The following RD3 variants were observed in gnomAD, a reference collection of about 807,000 sequenced individuals.
RD3 encodes protein RD3.
Under a neutral mutation model 16.9 loss-of-function variants are expected in RD3, and 11 were observed. That is an observed-to-expected ratio of 0.65 (90% confidence interval 0.41 to 1.08). RD3 has a LOEUF of 1.08. Among genes scored for constraint, RD3 ranks in the 50% least tolerant of loss-of-function variants. The pLI is 0.00. For synonymous variants in RD3, 116 were observed against 114.8 expected, an observed-to-expected ratio of 1.01 and a Z score of -0.07; for missense variants, 274 against 267.4, an observed-to-expected ratio of 1.02 and a Z score of -0.17.
Position 211,484,004 on chromosome 1 carries a change from C to T in RD3, c.-11-2578G>A, listed in dbSNP as rs138688788. Among the ~76,000 whole-genome samples, 107 of 152,318 alleles carry T rather than the reference C, an allele frequency of 7.0e-4. 1 individual carries two copies. Among genetic ancestry groups the T allele is most frequent in the Admixed American group, 1.2e-3 (19 of 15,298 alleles). On this transcript the variant is annotated intron_variant, in intron 1 of 2. Coordinates refer to ENST00000680073, the MANE Select transcript of RD3 (RefSeq NM_001164688.2). ...CCTCCCTCTGCCTGAAATGCCCGCCCATTCTACATGGAGACCAGGTCTAGG... is the reference window on the plus strand; with the variant it reads ...CCTCCCTCTGCCTGAAATGCCCGCCTATTCTACATGGAGACCAGGTCTAGG...
rs769442316 is a variant in RD3, at chr1:211,488,040, T to C, written c.-12+3728A>G. Among the ~76,000 whole-genome samples, 7 of 152,234 alleles carry C rather than the reference T, an allele frequency of 4.6e-5. No homozygotes were observed. In the South Asian group the frequency reaches 1.4e-3, roughly 31 times the overall value. On this transcript the variant is annotated intron_variant, in intron 1 of 2. Transcript: ENST00000680073. ...GAAGTGCCTGCCCCTGTTCTCTGCA[T>C]AACCGCTACTGCTCATTAACCAGCG...
chr1:211,488,431 A>T (rs570065820), intron 1 of RD3, among the ~76,000 whole-genome samples: 124 of 151,024 alleles, frequency 8.2e-4, no homozygotes, highest in Non-Finnish European at 1.4e-3. Flanking sequence ...GCTACTCAGG[A>T]GGCTGAGGCA....
At position 211,478,362 on chromosome 1, in the gene RD3, G is replaced by T. The variant is rs1705186862; in HGVS notation, c.*674C>A. On this transcript the variant is annotated 3_prime_UTR_variant, in exon 3 of 3. Transcript: ENST00000680073. The stretch of plus-strand genomic sequence containing the variant: ...TTGGACCTGTCCCTTCATAGCCCAG[G>T]ATTCCAAACTCAGGAACAGACACTA... 5.1e-6 allele frequency: 2 copies of T among 395,276 alleles called. No homozygotes were observed. The highest frequency in any genetic ancestry group is 8.9e-6 in the Non-Finnish European group (2 of 224,568). 24.5% of individuals were successfully genotyped at this position (395,276 alleles called of 1,614,324 possible). A position where few individuals can be genotyped will look rare whatever the true frequency, so the allele number is the denominator to read the frequency against.
Position 211,479,157 on chromosome 1 carries a change from C to A in RD3, c.467G>T (p.Arg156Leu), listed in dbSNP as rs1453088308. The change falls in exon 3 of 3, where the codon CGC becomes CTC. Residue 156 changes from arginine to leucine, a missense_variant. Transcript: ENST00000680073. ...GCTGGCGAAGGGCGAGATGCGCGCG[C>A]GGGTCTTGAAGGTGGCCAGGCTGCC... is the stretch of plus-strand genomic sequence containing the variant. ...PRGSLATFKT[R>L]ARISPFASDI... The A allele has an allele frequency of 1.9e-6, 3 of 1,612,870 alleles. No homozygotes were observed. In the African/African-American group the frequency reaches 4.0e-5, roughly 21 times the overall value.
intron 1 of RD3, among the ~76,000 whole-genome samples, chr1:211,481,889 T>C (rs1172950136): frequency 6.6e-6 from 1 of 152,144 alleles, no homozygotes; most frequent in Non-Finnish European, 1.5e-5. Flanking sequence ...CACCCTCAGC[T>C]TCTAAATGCC....
In RD3 at chr1:211,478,913, G is replaced by T; in HGVS notation, c.*123C>A. 1.1e-6 allele frequency: 1 copy of T among 870,474 alleles called. No individual in the cohort carries two copies. Among genetic ancestry groups the T allele is most frequent in the Non-Finnish European group, 1.7e-6 (1 of 584,612 alleles). The allele number at this position is 870,474 out of a possible 1,614,324, so 53.9% of individuals were successfully genotyped here. A position where few individuals can be genotyped will look rare whatever the true frequency, so the allele number is the denominator to read the frequency against. On this transcript the variant is annotated 3_prime_UTR_variant, in exon 3 of 3. Transcript: ENST00000680073. ...CATTTTATAGCAGCGTCTTGGGATGGGGCCGCCTCTTGGGTCTCCTCGTCA... is the reference window on the plus strand; with the variant it reads ...CATTTTATAGCAGCGTCTTGGGATGTGGCCGCCTCTTGGGTCTCCTCGTCA...
chr1:211,488,553 A>T (rs1454537271), intron 1 of RD3, among the ~76,000 whole-genome samples: 1 of 144,320 alleles, frequency 6.9e-6, no homozygotes, highest in Non-Finnish European at 1.5e-5. Context: ...AAAAAAACCC[A>T]CCTGGAAAGA....
chr1:211,478,597 T>G lies in RD3; in HGVS notation c.*439A>C, dbSNP rs1347101480. The G allele has an allele frequency of 4.6e-6, 1 of 215,882 alleles. No individual in the cohort carries two copies. The allele number at this position is 215,882 out of a possible 1,614,324, so 13.4% of individuals were successfully genotyped here. A position where few individuals can be genotyped will look rare whatever the true frequency, so the allele number is the denominator to read the frequency against. ...TCAGCCAGTCACTAGCAAGAAGGCA[T>G]ACCAGCCAACAGGTCCCTTCTCATT... On this transcript the variant is annotated 3_prime_UTR_variant, in exon 3 of 3. Coordinates refer to ENST00000680073, the MANE Select transcript of RD3 (RefSeq NM_001164688.2).
At chr1:211,482,068 C>G (rs11809922) in intron 1 of RD3, among the ~76,000 whole-genome samples, 27,263 of 151,894 alleles carry the variant, frequency 0.18, 3,114 homozygotes, top group African/African-American at 0.31. Context: ...ACTAAAAATA[C>G]AAAATTAGCC....
rs779584830 is a variant in RD3, at chr1:211,479,126, G to A, written c.498C>T (p.Ile166=). The change falls in exon 3 of 3, where the codon ATC becomes ATT. Residue 166 remains isoleucine (I), a synonymous_variant. Transcript: ENST00000680073. ...GCTCCACGTCCTCGGAGATGGTCCTGATGTCGCTGGCGAAGGGCGAGATGC... is the reference window on the plus strand; with the variant it reads ...GCTCCACGTCCTCGGAGATGGTCCTAATGTCGCTGGCGAAGGGCGAGATGC... ...RARISPFASD[I]RTISEDVERD... 141 of 1,612,510 alleles carry A rather than the reference G, an allele frequency of 8.7e-5. No individual in the cohort carries two copies. Among genetic ancestry groups the A allele is most frequent in the Non-Finnish European group, 1.1e-4 (132 of 1,179,636 alleles).
Position 211,481,354 on chromosome 1 carries a change from G to A in RD3, c.62C>T (p.Pro21Leu), listed in dbSNP as rs985369066. Residue 21 changes from proline (P) to leucine (L), a missense_variant, in exon 2 of 3, where the codon CCT becomes CTT. By Grantham distance (98) the Pro-to-Leu change is moderately conservative. Transcript: ENST00000680073. ...AAGCGTCTCCAGCACCATCTCAGCA[G>A]GGCTCCTGGTGGACAGCCGGGATGG... ...EAPSRLSTRS[P>L]AEMVLETLMM... 1.2e-6 allele frequency: 2 copies of A among 1,614,044 alleles called. No individual in the cohort carries two copies. Among genetic ancestry groups the A allele is most frequent in the Non-Finnish European group, 1.7e-6 (2 of 1,180,038 alleles).
Position 211,482,845 on chromosome 1 carries a change from G to A in RD3, c.-11-1419C>T, listed in dbSNP as rs556521490. Among the ~76,000 whole-genome samples, 28 of 151,802 alleles carry A rather than the reference G, an allele frequency of 1.8e-4. 1 individual carries two copies. The highest frequency in any genetic ancestry group is 4.2e-4 in the South Asian group (2 of 4,810). ...TTCTGCACCTTTCTCCCTCCAAGCC[G>A]TTCCCCCTTCCATGCACCAATGATC... On this transcript the variant is annotated intron_variant, in intron 1 of 2. Transcript: ENST00000680073.
chr1:211,479,782 G>A (rs1227229985), intron 2 of RD3, among the ~76,000 whole-genome samples: 1 of 152,092 alleles, frequency 6.6e-6, no homozygotes, highest in African/African-American at 2.4e-5. Flanking sequence ...TTCCTTCCAG[G>A]TGAGCTGTTT....
At chr1:211,480,526 C>T (rs983442731) in intron 2 of RD3, among the ~76,000 whole-genome samples, 5 of 152,148 alleles carry the variant, frequency 3.3e-5, no homozygotes, top group Admixed American at 1.3e-4. Flanking sequence ...AGCACCAATC[C>T]TTCTGAGACA....
chr1:211,478,371 C>G lies in RD3; in HGVS notation c.*665G>C. The G allele has an allele frequency of 2.5e-6, 1 of 394,378 alleles. No homozygotes were observed. Among genetic ancestry groups the G allele is most frequent in the Admixed American group, 4.4e-5 (1 of 22,630 alleles). 24.4% of individuals were successfully genotyped at this position (394,378 alleles called of 1,614,324 possible). On this transcript the variant is annotated 3_prime_UTR_variant, in exon 3 of 3. Coordinates refer to ENST00000680073, the MANE Select transcript of RD3 (RefSeq NM_001164688.2). ...TCCCTTCATAGCCCAGGATTCCAAA[C>G]TCAGGAACAGACACTATTCATGCAG...
chr1:211,481,506 G>C, intron 1 of RD3, 80 bp from the exon 2 acceptor site: 1 of 1,383,368 alleles, frequency 7.2e-7, no homozygotes, highest in Non-Finnish European at 1.0e-6. Flanking sequence ...CCAAGGGGGA[G>C]AGAGGAGAGC....
At position 211,481,392 on chromosome 1, in the gene RD3, C is replaced by T; in HGVS notation, c.24G>A (p.Arg8=). Residue 8 remains arginine (R), a synonymous_variant, in exon 2 of 3, where the codon CGG becomes CGA. Transcript: ENST00000680073. MSLISWL[R]WNEAPSRLST... is the part of the protein sequence containing the mutation. Reference sequence around the variant, plus strand: ...ACAGCCGGGATGGGGCCTCGTTCCACCGAAGCCATGAGATGAGAGACATAG... The same window carrying T: ...ACAGCCGGGATGGGGCCTCGTTCCATCGAAGCCATGAGATGAGAGACATAG... The T allele has an allele frequency of 6.2e-7, 1 of 1,613,222 alleles. No homozygotes were observed. The highest frequency in any genetic ancestry group is 8.5e-7 in the Non-Finnish European group (1 of 1,180,034).
chr1:211,481,073 T>C (rs1705246557), intron 2 of RD3, 47 bp downstream of exon 2: 3 of 1,602,754 alleles, frequency 1.9e-6, no homozygotes, highest in South Asian at 1.1e-5. Flanking sequence ...TGCAGCCACC[T>C]TTCCTGGAGC....
Position 211,478,032 on chromosome 1 carries a change from G to T in RD3, c.*1004C>A, listed in dbSNP as rs772066551. 2.5e-6 allele frequency: 1 copy of T among 398,646 alleles called. No homozygotes were observed. The highest frequency in any genetic ancestry group is 1.3e-4 in the South Asian group (1 of 7,856). 24.7% of individuals were successfully genotyped at this position (398,646 alleles called of 1,614,324 possible). A position where few individuals can be genotyped will look rare whatever the true frequency, so the allele number is the denominator to read the frequency against. ...GAACATTTCACTCAGCTGCCTCAAG[G>T]TCAGTCAGGGGTTTGGGCATCACTT... On this transcript the variant is annotated 3_prime_UTR_variant, in exon 3 of 3. Coordinates refer to ENST00000680073, the MANE Select transcript of RD3 (RefSeq NM_001164688.2).
Sources: allele counts gnomAD v4.1 joint callset (sites outside exome capture counted in the v4.1 genomes callset), GRCh38; gene constraint gnomAD v4.1.1; transcripts MANE v1.5; gene names NCBI Gene and HGNC (gene_info 2026-07-23, HGNC 2026-07-21).